The following SPIB variants were observed in gnomAD, a reference collection of about 807,000 sequenced individuals.
The protein encoded by SPIB is Spi-B transcription factor.
In SPIB, 7 loss-of-function variants were observed where a neutral mutation model predicts 31.9. That is an observed-to-expected ratio of 0.22 (90% confidence interval 0.12 to 0.41). SPIB has a LOEUF of 0.41. Ranked by LOEUF, SPIB falls within the 10% of genes least tolerant of loss-of-function variation. The probability of loss-of-function intolerance (pLI) is 1.00; values close to 1 mark genes in which losing one functional copy is unlikely to be tolerated. For synonymous variants in SPIB, 176 were observed against 158.9 expected, an observed-to-expected ratio of 1.11 and a Z score of -0.81; for missense variants, 327 against 360.2, an observed-to-expected ratio of 0.91 and a Z score of 0.75.
Position 50,423,736 on chromosome 19 carries a change from G to A in SPIB, c.471G>A (p.Glu157=). ...ATGAGGCCCTCGTGGCTGGCCCCGA[G>A]GGGAAGGGATCCGAGGCAGGTATGC... ...ESDEALVAGP[E]GKGSEAGTRK... is the part of the protein sequence containing the mutation. Residue 157 remains glutamate (E), a synonymous_variant, in exon 5 of 6, where the codon GAG becomes GAA. Coordinates refer to ENST00000595883, the MANE Select transcript of SPIB (RefSeq NM_003121.5). 2 of 1,610,666 alleles carry A rather than the reference G, an allele frequency of 1.2e-6. No individual in the cohort carries two copies. Among genetic ancestry groups the A allele is most frequent in the Non-Finnish European group, 1.7e-6 (2 of 1,178,632 alleles).
Position 50,428,077 on chromosome 19 carries a change from G to T in SPIB, c.530G>T (p.Gly177Val). Residue 177 changes from glycine to valine, a missense_variant, in exon 6 of 6, where the codon GGG becomes GTG. Physicochemically the swap from Gly to Val is moderately radical, Grantham distance 109. Coordinates refer to ENST00000595883, the MANE Select transcript of SPIB (RefSeq NM_003121.5). This position sits in a 1 kb window ranked among gnomAD's most constrained non-coding sequence, Gnocchi z 6.5. ...CTGCGCCTGTACCAGTTCCTGCTGG[G>T]GCTACTGACGCGCGGGGACATGCGT... ...KKLRLYQFLL[G>V]LLTRGDMREC... 1 of 1,574,924 alleles carries T rather than the reference G, an allele frequency of 6.3e-7. No homozygotes were observed. Among genetic ancestry groups the T allele is most frequent in the Non-Finnish European group, 8.6e-7 (1 of 1,158,876 alleles).
chr19:50,430,163 C>T lies in SPIB; in HGVS notation c.*1827C>T, dbSNP rs902200135. 1.3e-5 allele frequency: 2 copies of T among 152,458 alleles called. No homozygotes were observed. Among genetic ancestry groups the T allele is most frequent in the East Asian group, 1.9e-4 (1 of 5,184 alleles). The allele number at this position is 152,458 out of a possible 1,614,324, so 9.4% of individuals were successfully genotyped here. On this transcript the variant is annotated 3_prime_UTR_variant, in exon 6 of 6. Transcript: ENST00000595883. ...AGGACAGTAGCCTTTCCTAATGAGG[C>T]ATTTGTTCTCCAATCTGCCCCAGTC...
intron 5 of SPIB, among the ~76,000 whole-genome samples, chr19:50,426,787 G>A (rs1473392941): frequency 1.3e-5 from 2 of 151,894 alleles, no homozygotes; most frequent in East Asian, 2.0e-4. Flanking sequence ...GGCCCACCGC[G>A]CCCAGCCTCC....
At chr19:50,424,779 TA>T (rs1175613564) in intron 5 of SPIB, among the ~76,000 whole-genome samples, 1 of 147,002 alleles carries the variant, frequency 6.8e-6, no homozygotes. Flanking sequence ...GACTCTGTCT[TA>T]AAAAAAAAGA....
Position 50,422,953 on chromosome 19 carries a change from T to C in SPIB, c.255T>C (p.Pro85=), listed in dbSNP as rs748341138. The change falls in exon 4 of 6, where the codon CCT becomes CCC. Residue 85 remains proline, a synonymous_variant. Coordinates refer to ENST00000595883, the MANE Select transcript of SPIB (RefSeq NM_003121.5). ...GCTACGAACCCCCCACCTACAGCCC[T>C]GCAGGGAACCTCGAACTGGCCCCCA... ...QLCYEPPTYS[P]AGNLELAPSL... 2 of 1,589,558 alleles carry C rather than the reference T, an allele frequency of 1.3e-6. No individual in the cohort carries two copies. The highest frequency in any genetic ancestry group is 1.8e-5 in the Admixed American group (1 of 56,954).
intron 5 of SPIB, among the ~76,000 whole-genome samples, chr19:50,427,508 G>C (rs1374402454): frequency 6.6e-6 from 1 of 152,206 alleles, no homozygotes; most frequent in Admixed American, 6.5e-5. Flanking sequence ...CTGGGCCGCA[G>C]AGCAAGACCC....
chr19:50,430,352 C>G lies in SPIB; in HGVS notation c.*2016C>G, dbSNP rs1198454279. 6.6e-6 allele frequency: 1 copy of G among 151,946 alleles called. No individual in the cohort carries two copies. The highest frequency in any genetic ancestry group is 2.4e-5 in the African/African-American group (1 of 41,338). The allele number at this position is 151,946 out of a possible 1,614,324, so 9.4% of individuals were successfully genotyped here. On this transcript the variant is annotated 3_prime_UTR_variant, in exon 6 of 6. Transcript: ENST00000595883. ...GCCAAGAGGCCAGAGGTCCTTGAGC[C>G]TGGGTGGGCAGGTGGATCTAGGGTG...
Position 50,431,244 on chromosome 19 carries a change from G to C in SPIB, c.*2908G>C, listed in dbSNP as rs1212497326. 1 of 152,030 alleles carries C rather than the reference G, an allele frequency of 6.6e-6. No homozygotes were observed. Among genetic ancestry groups the C allele is most frequent in the African/African-American group, 2.4e-5 (1 of 41,356 alleles). The allele number at this position is 152,030 out of a possible 1,614,324, so 9.4% of individuals were successfully genotyped here. A position where few individuals can be genotyped will look rare whatever the true frequency, so the allele number is the denominator to read the frequency against. On this transcript the variant is annotated 3_prime_UTR_variant, in exon 6 of 6. Transcript: ENST00000595883. ...GAGGATCGCTTGAGTACAGGAGTTT[G>C]AAACCAGCCTGGGCAAGATAGTGAG...
Position 50,429,874 on chromosome 19 carries a change from T to C in SPIB, c.*1538T>C, listed in dbSNP as rs2039618847. Reference sequence around the variant, plus strand: ...GAAATTAGCTGGGCGTGGTGGCACGTGCCTGTAGTCCCAGCTACTCGGGAG... The same window carrying C: ...GAAATTAGCTGGGCGTGGTGGCACGCGCCTGTAGTCCCAGCTACTCGGGAG... On this transcript the variant is annotated 3_prime_UTR_variant, in exon 6 of 6. Transcript: ENST00000595883. 2 of 151,774 alleles carry C rather than the reference T, an allele frequency of 1.3e-5. No homozygotes were observed. The highest frequency in any genetic ancestry group is 1.3e-4 in the Admixed American group (2 of 15,186). The allele number at this position is 151,774 out of a possible 1,614,324, so 9.4% of individuals were successfully genotyped here. A position where few individuals can be genotyped will look rare whatever the true frequency, so the allele number is the denominator to read the frequency against.
intron 1 of SPIB, among the ~76,000 whole-genome samples, chr19:50,419,549 C>A (rs747617127): frequency 6.6e-6 from 1 of 152,136 alleles, no homozygotes; most frequent in Non-Finnish European, 1.5e-5. Context: ...GAGTCTTCTC[C>A]GGGCTTCCCC....
chr19:50,419,119 T>C (rs2039450106), intron 1 of SPIB, 134 bp downstream of exon 1: 1 of 993,688 alleles, frequency 1.0e-6, no homozygotes, highest in Admixed American at 2.3e-5. Context: ...GTCCACCCTG[T>C]CTCTTGCCCC....
chr19:50,428,429 G>A lies in SPIB; in HGVS notation c.*93G>A, dbSNP rs1398118445. On this transcript the variant is annotated 3_prime_UTR_variant, in exon 6 of 6. Coordinates refer to ENST00000595883, the MANE Select transcript of SPIB (RefSeq NM_003121.5). This position sits in a 1 kb window ranked among gnomAD's most constrained non-coding sequence, Gnocchi z 6.5. Reference sequence around the variant, plus strand: ...AGAAAAAGGGCGTCCCCACACTCTAGGTGATAGGACTTACGCATCCCCACC... The same window carrying A: ...AGAAAAAGGGCGTCCCCACACTCTAAGTGATAGGACTTACGCATCCCCACC... 1 of 1,353,144 alleles carries A rather than the reference G, an allele frequency of 7.4e-7. No individual in the cohort carries two copies. Among genetic ancestry groups the A allele is most frequent in the African/African-American group, 1.5e-5 (1 of 67,936 alleles). 83.8% of individuals were successfully genotyped at this position (1,353,144 alleles called of 1,614,324 possible).
Position 50,419,678 on chromosome 19 carries a change from A to G in SPIB, c.24-268A>G, listed in dbSNP as rs2039463702. ...TCCATCCCCACACCTCCTTTCCGGG[A>G]CTTTCTCTCCCTCACTTTCCCTGCC... On this transcript the variant is annotated intron_variant, in intron 1 of 5. Coordinates refer to ENST00000595883, the MANE Select transcript of SPIB (RefSeq NM_003121.5). Among the ~76,000 whole-genome samples, 3 of 151,784 alleles carry G rather than the reference A, an allele frequency of 2.0e-5. No individual in the cohort carries two copies. In the South Asian group the frequency reaches 6.2e-4, roughly 32 times the overall value.
intron 4 of SPIB, 88 bp downstream of exon 4, chr19:50,423,125 GGGA>G: frequency 3.0e-6 from 2 of 667,818 alleles, no homozygotes; most frequent in Admixed American, 2.8e-5. Context: ...AGGCTGAGGT[GGGA>G]GGAGGATTGC....
chr19:50,422,691 A>G, intron 3 of SPIB, 132 bp from the exon 4 acceptor site: 1 of 1,062,574 alleles, frequency 9.4e-7, no homozygotes. Flanking sequence ...TCTCCTACCC[A>G]TCCGCTCCTC....
intron 1 of SPIB, 99 bp from the exon 2 acceptor site, chr19:50,419,846 TG>T: frequency 7.9e-7 from 1 of 1,257,946 alleles, no homozygotes; most frequent in Non-Finnish European, 1.1e-6. Context: ...AGGGCTGCGG[TG>T]GTCACAGCTG....
chr19:50,428,381 G>C lies in SPIB; in HGVS notation c.*45G>C. Reference sequence around the variant, plus strand: ...CTGCGGAGCCGCTGGGGGACCTCACGTCCCAGCCAGGATCCCCCTGGAAGA... The same window carrying C: ...CTGCGGAGCCGCTGGGGGACCTCACCTCCCAGCCAGGATCCCCCTGGAAGA... On this transcript the variant is annotated 3_prime_UTR_variant, in exon 6 of 6. Coordinates refer to ENST00000595883, the MANE Select transcript of SPIB (RefSeq NM_003121.5). This position sits in a 1 kb window ranked among gnomAD's most constrained non-coding sequence, Gnocchi z 6.5. 2 of 1,488,430 alleles carry C rather than the reference G, an allele frequency of 1.3e-6. No homozygotes were observed. The highest frequency in any genetic ancestry group is 2.4e-5 in the Admixed American group (1 of 41,956). The allele number at this position is 1,488,430 out of a possible 1,614,324, so 92.2% of individuals were successfully genotyped here.
chr19:50,422,494 G>C lies in SPIB; in HGVS notation c.73G>C (p.Asp25His), dbSNP rs372017707. ...SCLYPDGVFY[D>H]LDSCKHSSYP... is the part of the protein sequence containing the mutation. ...TCAGTACCCAGATGGCGTCTTCTAT[G>C]ACCTGGACAGCTGCAAGCATTCCAG... Residue 25 changes from aspartate (D) to histidine (H), a missense_variant, in exon 3 of 6, where the codon GAC (aspartate) becomes CAC (histidine). Physicochemically the swap from Asp to His is moderately conservative, Grantham distance 81. Around this residue, in one of 4 missense-constraint regions of SPIB, gnomAD observed 238 missense variants for 228.8 expected, o/e 1.04. Coordinates refer to ENST00000595883, the MANE Select transcript of SPIB (RefSeq NM_003121.5). 7.4e-6 allele frequency: 12 copies of C among 1,613,898 alleles called. No homozygotes were observed. The highest frequency in any genetic ancestry group is 1.0e-5 in the Non-Finnish European group (12 of 1,179,948).
chr19:50,423,320 T>C, intron 4 of SPIB: 1 of 508,050 alleles, frequency 2.0e-6, no homozygotes, highest in Non-Finnish European at 3.5e-6. Context: ...TGCAGCGGCC[T>C]CCCAGGTTAC....
Sources: gnomAD v4.1 joint callset for allele counts (sites outside exome capture counted in the v4.1 genomes callset) on GRCh38, gnomAD v4.1.1 for gene constraint, gnomAD v4.1.1 regional missense constraint, Gnocchi (gnomAD v3.1) non-coding constraint, MANE v1.5 for transcripts, NCBI Gene and HGNC (gene_info 2026-07-23, HGNC 2026-07-21) for gene names.